Variants in PHKB observed in about 807,000 individuals in gnomAD.
PHKB encodes the protein phosphorylase b kinase regulatory subunit beta.
PHKB carries 122 observed loss-of-function variants against 152.1 expected under a neutral mutation model. The ratio of observed to expected loss-of-function variants is 0.80; its 90% CI spans 0.69 to 0.93. PHKB has a LOEUF of 0.93. Ranked by LOEUF, PHKB falls within the 40% of genes least tolerant of loss-of-function variation. PHKB has a pLI of 0.00. For synonymous variants in PHKB, 436 were observed against 464.9 expected, an observed-to-expected ratio of 0.94 and a Z score of 0.80; for missense variants, 1,304 against 1,328.4, an observed-to-expected ratio of 0.98 and a Z score of 0.29.
chr16:47,480,283 T>G (rs1969941894), intron 1 of PHKB, among the ~76,000 whole-genome samples: 4 of 152,176 alleles, frequency 2.6e-5, no homozygotes, highest in Admixed American at 2.6e-4. Context: ...TTTCCACATG[T>G]GTATCTTTGA....
chr16:47,542,098 T>C (rs557383351), intron 6 of PHKB, among the ~76,000 whole-genome samples: 5 of 152,356 alleles, frequency 3.3e-5, no homozygotes, highest in Admixed American at 6.5e-5. Context: ...TGGTATTGCC[T>C]AGGTTTTCCT....
intron 3 of PHKB, 83 bp from the exon 4 acceptor site, chr16:47,502,908 A>G (rs1432412602): frequency 1.2e-6 from 1 of 840,280 alleles, no homozygotes; most frequent in Non-Finnish European, 2.0e-6. Context: ...TTAGCCAGAT[A>G]GTTAAATACT....
At chr16:47,547,712 G>T in intron 7 of PHKB, 164 bp downstream of exon 7, 3 of 596,578 alleles carry the variant, frequency 5.0e-6, no homozygotes, top group Non-Finnish European at 8.9e-6. Flanking sequence ...TAACACAAAA[G>T]AGCCCATCCT....
At chr16:47,661,373 G>A (rs1429457164) in intron 22 of PHKB, among the ~76,000 whole-genome samples, 1 of 152,102 alleles carries the variant, frequency 6.6e-6, no homozygotes. Context: ...AAATGACCTG[G>A]CCAAGTCTCT....
intron 1 of PHKB, among the ~76,000 whole-genome samples, chr16:47,476,399 A>G (rs944554182): frequency 1.3e-5 from 2 of 152,188 alleles, no homozygotes; most frequent in Admixed American, 1.3e-4. Context: ...GGAAATACAC[A>G]GTAAGGCTCA....
intron 26 of PHKB, among the ~76,000 whole-genome samples, chr16:47,684,655 T>A (rs1973928914): frequency 6.6e-6 from 1 of 152,000 alleles, no homozygotes; most frequent in Non-Finnish European, 1.5e-5. Flanking sequence ...TAGTCCCAGC[T>A]ACTCGGGAAG....
intron 1 of PHKB, among the ~76,000 whole-genome samples, chr16:47,475,279 T>C (rs1969849263): frequency 6.6e-6 from 1 of 152,228 alleles, no homozygotes; most frequent in African/African-American, 2.4e-5. Context: ...TGTTTTGATA[T>C]AAGTGTTTGC....
At chr16:47,670,206 G>A (rs1973614235) in intron 26 of PHKB, among the ~76,000 whole-genome samples, 1 of 152,272 alleles carries the variant, frequency 6.6e-6, no homozygotes, top group African/African-American at 2.4e-5. Flanking sequence ...TTGTAAAAGA[G>A]CCCAATGATA....
At chr16:47,511,202 C>T (rs965861463) in intron 4 of PHKB, among the ~76,000 whole-genome samples, 1 of 152,046 alleles carries the variant, frequency 6.6e-6, no homozygotes. Context: ...TTAAAATTTG[C>T]GACCCTTAGA....
At chr16:47,657,690 T>C (rs1331753377) in intron 20 of PHKB, among the ~76,000 whole-genome samples, 1 of 152,220 alleles carries the variant, frequency 6.6e-6, no homozygotes, top group Non-Finnish European at 1.5e-5. Flanking sequence ...AATAAACATT[T>C]ATTTTATGGG....
rs142697518 is a variant in PHKB at position 47,636,315 on chromosome 16, C to A, written c.1459-4720C>A. Among the ~76,000 whole-genome samples the A allele has an allele frequency of 3.9e-3, 587 of 152,340 alleles. 5 individuals carry two copies. Among genetic ancestry groups the A allele is most frequent in the African/African-American group, 0.014 (565 of 41,578 alleles). Reference sequence around the variant, plus strand: ...GTCTAGGGCAGCCACTGTGGGGACACCAGCTGCAGCAGGGGAAGTGTGGCC... The same window carrying A: ...GTCTAGGGCAGCCACTGTGGGGACAACAGCTGCAGCAGGGGAAGTGTGGCC... On this transcript the variant is annotated intron_variant, in intron 14 of 30. Coordinates refer to ENST00000323584, the MANE Select transcript of PHKB (RefSeq NM_000293.3).
Position 47,698,551 on chromosome 16 carries a change from A to G in PHKB, c.3107A>G (p.Gln1036Arg), listed in dbSNP as rs574048196. 24 of 1,612,168 alleles carry G rather than the reference A, an allele frequency of 1.5e-5. No homozygotes were observed. In the African/African-American group the frequency reaches 1.6e-4, roughly 11 times the overall value. ...RLVKEAFNEF[Q>R]KDQSRLKEIE... ...GTCAAAGAAGCATTTAATGAATTTCAAAAAGATCAGAGTCGGCTAAAGGAA... is the reference window on the plus strand; with the variant it reads ...GTCAAAGAAGCATTTAATGAATTTCGAAAAGATCAGAGTCGGCTAAAGGAA... Residue 1036 changes from glutamine to arginine, a missense_variant, in exon 30 of 31, where the codon CAA becomes CGA. Physicochemically the swap from Gln to Arg is conservative, Grantham distance 43. Coordinates refer to ENST00000323584, the MANE Select transcript of PHKB (RefSeq NM_000293.3).
intron 6 of PHKB, among the ~76,000 whole-genome samples, chr16:47,524,174 C>T: frequency 6.6e-6 from 1 of 152,128 alleles, no homozygotes; most frequent in Non-Finnish European, 1.5e-5. Context: ...ATTCTTACTG[C>T]TTGTGTGAAC....
intron 25 of PHKB, among the ~76,000 whole-genome samples, chr16:47,666,660 G>A (rs1973544949): frequency 6.6e-6 from 1 of 152,226 alleles, no homozygotes; most frequent in Admixed American, 6.5e-5. Flanking sequence ...CTCACCTCAT[G>A]GTAGGCTGTG....
chr16:47,581,613 T>A (rs118059648), intron 8 of PHKB, among the ~76,000 whole-genome samples: 4,820 of 152,296 alleles, frequency 0.032, 106 homozygotes, highest in East Asian at 0.08. Flanking sequence ...CAAATAAAAG[T>A]TAGTTAGCAT....
At chr16:47,650,063 G>A (rs564035854) in intron 18 of PHKB, among the ~76,000 whole-genome samples, 1 of 152,038 alleles carries the variant, frequency 6.6e-6, no homozygotes, top group Non-Finnish European at 1.5e-5. Context: ...TCTTCTGGAC[G>A]GCTGGCATGA....
chr16:47,512,882 T>G (rs1970534087), intron 5 of PHKB, among the ~76,000 whole-genome samples: 1 of 152,238 alleles, frequency 6.6e-6, no homozygotes, highest in African/African-American at 2.4e-5. Flanking sequence ...TTTAGATACC[T>G]GAAATTTCTT....
At position 47,490,469 on chromosome 16, in the gene PHKB, C is replaced by G. The variant is rs1297156838; in HGVS notation, c.77-6930C>G. 5.3e-5 allele frequency among the ~76,000 whole-genome samples: 8 copies of G among 152,102 alleles called. No individual in the cohort carries two copies. The East Asian group carries it at 1.5e-3, about 29-fold the overall frequency. On this transcript the variant is annotated intron_variant, in intron 1 of 30. Transcript: ENST00000323584. ...TTTTGGAGCAAATATTAGTATTCAC[C>G]AAAATATAACCTAAAGAAGATTGAA... is the stretch of plus-strand genomic sequence containing the variant.
intron 20 of PHKB, among the ~76,000 whole-genome samples, chr16:47,652,887 C>T (rs1431538179): frequency 2.0e-5 from 3 of 152,206 alleles, no homozygotes; most frequent in African/African-American, 7.2e-5. Flanking sequence ...AAGTGATCCT[C>T]CTGTCTCGGC....
Sources: gnomAD v4.1 joint callset for allele counts (sites outside exome capture counted in the v4.1 genomes callset) on GRCh38, gnomAD v4.1.1 for gene constraint, MANE v1.5 for transcripts, NCBI Gene and HGNC (gene_info 2026-07-23, HGNC 2026-07-21) for gene names.